The following EYA1 variants were observed in gnomAD, a reference collection of about 807,000 sequenced individuals.
EYA1 encodes EYA transcriptional coactivator and phosphatase 1.
EYA1 carries 16 observed loss-of-function variants against 82.0 expected under a neutral mutation model. That is an observed-to-expected ratio of 0.20 (90% CI 0.13 to 0.30). The LOEUF is 0.30. Ranked by LOEUF, EYA1 falls within the 10% of genes least tolerant of loss-of-function variation. The pLI is 1.00. For synonymous variants in EYA1, 261 were observed against 264.4 expected (o/e 0.99, Z 0.12); for missense variants, 633 against 730.7 (o/e 0.87, Z 1.54).
intron 9 of EYA1, among the ~76,000 whole-genome samples, chr8:71,283,196 A>G (rs1442441945): frequency 6.6e-6 from 1 of 152,056 alleles, no homozygotes; most frequent in Admixed American, 6.6e-5. Context: ...TCCAAAAAGC[A>G]CAGCCCCACC....
At chr8:71,308,658 A>G (rs1820991650) in intron 7 of EYA1, among the ~76,000 whole-genome samples, 1 of 151,170 alleles carries the variant, frequency 6.6e-6, no homozygotes, top group Admixed American at 6.6e-5. Flanking sequence ...AGTTCTGTGT[A>G]TGATTTAACC....
chr8:71,207,404 T>C (rs535016623), intron 17 of EYA1, among the ~76,000 whole-genome samples: 25 of 152,240 alleles, frequency 1.6e-4, no homozygotes, highest in Admixed American at 2.6e-4. Flanking sequence ...TTGTTGTAAA[T>C]TGATGACGTC....
intron 16 of EYA1, among the ~76,000 whole-genome samples, chr8:71,214,368 G>T (rs1463820295): frequency 6.6e-6 from 1 of 151,858 alleles, no homozygotes; most frequent in Non-Finnish European, 1.5e-5. Flanking sequence ...CTGTCCATTT[G>T]CATTGTTCTC....
chr8:71,323,681 T>A (rs976754098), intron 4 of EYA1, among the ~76,000 whole-genome samples: 3 of 152,158 alleles, frequency 2.0e-5, no homozygotes, highest in Admixed American at 2.0e-4. Flanking sequence ...GTATACCCCA[T>A]CATCTGGCAC....
intron 10 of EYA1, 29 bp from the exon 11 acceptor site, chr8:71,269,852 C>A (rs1816303767): frequency 6.3e-7 from 1 of 1,574,832 alleles, no homozygotes; most frequent in African/African-American, 1.3e-5. Context: ...ATCAATGTGT[C>A]TTTGCCTTGG....
chr8:71,274,293 C>A (rs551804922), intron 9 of EYA1, among the ~76,000 whole-genome samples: 1 of 152,130 alleles, frequency 6.6e-6, no homozygotes, highest in Admixed American at 6.5e-5. Context: ...AGTTATTTTT[C>A]AAAATCCCTT....
intron 2 of EYA1, among the ~76,000 whole-genome samples, chr8:71,370,840 G>C (rs1828038529): frequency 6.6e-6 from 1 of 151,804 alleles, no homozygotes; most frequent in Non-Finnish European, 1.5e-5. Flanking sequence ...GCCCAGGCAA[G>C]TCTCAAACTC....
At chr8:71,254,243 CAA>C (rs56047377) in intron 11 of EYA1, among the ~76,000 whole-genome samples, 1,343 of 51,594 alleles carry the variant, frequency 0.026, 10 homozygotes, top group African/African-American at 0.089. Flanking sequence ...AAGTCTTGGC[CAA>C]AAAAAAAAAA....
intron 1 of EYA1, among the ~76,000 whole-genome samples, chr8:71,540,843 A>T (rs1458400531): frequency 6.6e-6 from 1 of 152,188 alleles, no homozygotes; most frequent in African/African-American, 2.4e-5. Flanking sequence ...AAGCAGAAGG[A>T]AACTAGTGAC....
chr8:71,302,189 G>A (rs1351736335), intron 7 of EYA1, among the ~76,000 whole-genome samples: 6 of 151,964 alleles, frequency 3.9e-5, no homozygotes, highest in African/African-American at 4.8e-5. Context: ...TTTAGGTTAC[G>A]ACTTGCTATT....
At chr8:71,413,244 G>A (rs1335290993) in intron 2 of EYA1, among the ~76,000 whole-genome samples, 1 of 152,180 alleles carries the variant, frequency 6.6e-6, no homozygotes, top group Non-Finnish European at 1.5e-5. Flanking sequence ...TATGGTGGTG[G>A]TGATGACAGC....
intron 9 of EYA1, among the ~76,000 whole-genome samples, chr8:71,293,820 C>G (rs527950225): frequency 1.3e-5 from 2 of 148,964 alleles, no homozygotes; most frequent in Non-Finnish European, 3.0e-5. Flanking sequence ...AAACAACTTA[C>G]AGCTAACATT....
At chr8:71,387,399 A>C (rs952926145) in intron 2 of EYA1, among the ~76,000 whole-genome samples, 2 of 152,202 alleles carry the variant, frequency 1.3e-5, no homozygotes, top group Non-Finnish European at 2.9e-5. Flanking sequence ...TTCTAGTTGC[A>C]ATGTGTAAAT....
intron 3 of EYA1, among the ~76,000 whole-genome samples, chr8:71,348,138 T>C (rs899455139): frequency 1.3e-5 from 2 of 152,140 alleles, no homozygotes; most frequent in African/African-American, 4.8e-5. Flanking sequence ...TTTTTTCTAT[T>C]ATATTGTACG....
intron 7 of EYA1, among the ~76,000 whole-genome samples, chr8:71,302,431 T>G (rs1345680823): frequency 6.6e-6 from 1 of 152,146 alleles, no homozygotes; most frequent in African/African-American, 2.4e-5. Context: ...CCCAAGTGAC[T>G]TTCCAGACTA....
At chr8:71,264,127 T>C (rs1163405170) in intron 11 of EYA1, among the ~76,000 whole-genome samples, 4 of 152,208 alleles carry the variant, frequency 2.6e-5, no homozygotes, top group Admixed American at 2.6e-4. Flanking sequence ...GAGATCATCC[T>C]GGTTAAGTAA....
chr8:71,523,606 A>T (rs537559035), intron 2 of EYA1, among the ~76,000 whole-genome samples: 9 of 152,344 alleles, frequency 5.9e-5, no homozygotes, highest in African/African-American at 1.7e-4. Context: ...GCTCAAAGTA[A>T]TGAGAAGTTC....
chr8:71,526,495 T>C (rs763467182), intron 2 of EYA1, among the ~76,000 whole-genome samples: 11 of 152,242 alleles, frequency 7.2e-5, no homozygotes, highest in Non-Finnish European at 1.3e-4. Context: ...TGGTACTAGC[T>C]CAGGGTCTCA....
intron 2 of EYA1, among the ~76,000 whole-genome samples, chr8:71,414,575 C>A (rs1830763404): frequency 6.6e-6 from 1 of 152,198 alleles, no homozygotes; most frequent in Non-Finnish European, 1.5e-5. Flanking sequence ...AACCTACCTG[C>A]AATCCCTTCT....
Sources: allele counts gnomAD v4.1 joint callset (sites outside exome capture counted in the v4.1 genomes callset), GRCh38; gene constraint gnomAD v4.1.1; transcripts MANE v1.5; gene names NCBI Gene and HGNC (gene_info 2026-07-23, HGNC 2026-07-21).